Variants in SLC35F3 observed in about 807,000 individuals in gnomAD.
SLC35F3 encodes solute carrier family 35 member F3, also known as putative thiamine transporter SLC35F3.
A neutral mutation model predicts 49.9 loss-of-function variants in SLC35F3; 25 were observed. That is an observed-to-expected ratio of 0.50 (90% confidence interval 0.37 to 0.70). The LOEUF (loss-of-function observed/expected upper bound fraction) is 0.70, where lower values mean the gene tolerates loss of function less well. Ranked by LOEUF, SLC35F3 falls within the 30% of genes least tolerant of loss-of-function variation. The probability of loss-of-function intolerance (pLI) is 0.00; values close to 1 mark genes in which losing one functional copy is unlikely to be tolerated. For missense variants in SLC35F3, 525 were observed against 639.8 expected, an observed-to-expected ratio of 0.82 and a Z score of 1.94; for synonymous variants, 275 against 265.4, an observed-to-expected ratio of 1.04 and a Z score of -0.35.
chr1:234,084,398 A>G (rs1481062082), intron 2 of SLC35F3, among the ~76,000 whole-genome samples: 1 of 152,208 alleles, frequency 6.6e-6, no homozygotes, highest in Non-Finnish European at 1.5e-5. Flanking sequence ...AAAATCCTCA[A>G]CTGAATCAAC....
intron 2 of SLC35F3, among the ~76,000 whole-genome samples, chr1:234,146,924 G>T (rs6659988): frequency 1.3e-5 from 2 of 152,226 alleles, no homozygotes; most frequent in African/African-American, 4.8e-5. Context: ...CTGAGATCTT[G>T]TGGATGAGAG....
At chr1:233,997,665 C>A (rs968551388) in intron 2 of SLC35F3, among the ~76,000 whole-genome samples, 16 of 152,240 alleles carry the variant, frequency 1.1e-4, no homozygotes, top group African/African-American at 3.6e-4. Flanking sequence ...TGATTCTTTT[C>A]TTTTCTATGC....
At chr1:234,262,451 A>G (rs1454673119) in intron 3 of SLC35F3, among the ~76,000 whole-genome samples, 1 of 152,208 alleles carries the variant, frequency 6.6e-6, no homozygotes, top group Admixed American at 6.5e-5. Flanking sequence ...TGTGGTTGGC[A>G]CTCAGGAATG....
At chr1:234,202,283 A>G (rs556011833) in intron 2 of SLC35F3, among the ~76,000 whole-genome samples, 1 of 152,274 alleles carries the variant, frequency 6.6e-6, no homozygotes, top group Admixed American at 6.5e-5. Context: ...ATAAAATAAA[A>G]TAAAACCTTT....
chr1:233,923,080 G>C (rs568343114), intron 2 of SLC35F3, among the ~76,000 whole-genome samples: 2 of 152,118 alleles, frequency 1.3e-5, no homozygotes, highest in African/African-American at 2.4e-5. Context: ...GTCAGGTAGC[G>C]TGATGCCTCC....
At position 234,309,111 on chromosome 1, in the gene SLC35F3, C is replaced by G. The variant is rs774661644; in HGVS notation, c.619C>G (p.Arg207Gly). 20 of 1,613,714 alleles carry G rather than the reference C, an allele frequency of 1.2e-5. No homozygotes were observed. The highest frequency in any genetic ancestry group is 1.6e-5 in the Non-Finnish European group (19 of 1,179,884). The change falls in exon 4 of 8, where the codon CGA becomes GGA. Residue 207 changes from arginine to glycine, a missense_variant. Transcript: ENST00000366618. ...CTTTCCTTGTTTTAGGGAATGCTGT[C>G]GATTTTTTGGAGACAATGGCTTGAC... ...SVKQRYRECCRFFGDNGLTLK... is the reference protein window; with the variant it reads ...SVKQRYRECCGFFGDNGLTLK...
At chr1:234,310,166 G>A (rs2102994377) in intron 4 of SLC35F3, among the ~76,000 whole-genome samples, 1 of 152,286 alleles carries the variant, frequency 6.6e-6, no homozygotes, top group Middle Eastern at 3.4e-3. Flanking sequence ...TCATCACCTT[G>A]CTACAAACCA....
intron 2 of SLC35F3, among the ~76,000 whole-genome samples, chr1:234,037,566 A>T (rs745515718): frequency 6.6e-6 from 1 of 152,248 alleles, no homozygotes; most frequent in East Asian, 1.9e-4. Context: ...TTGCATTTAT[A>T]TAGATTACAT....
chr1:234,214,649 C>G lies in SLC35F3; in HGVS notation c.284-16768C>G, dbSNP rs551226626. ...ATGCTGCCACCCTGAGGGGGGCTGT[C>G]TGGCTGCGGGGCGCCGGGGCTGGGG... On this transcript the variant is annotated intron_variant, in intron 2 of 7. Transcript: ENST00000366618. The surrounding 1 kb of genome is among the most constrained non-coding windows in gnomAD (Gnocchi z 8.0). The G allele has an allele frequency of 6.7e-5, 98 of 1,469,012 alleles. 1 individual carries two copies. In the Admixed American group the frequency reaches 2.2e-3, roughly 33 times the overall value. The allele number at this position is 1,469,012 out of a possible 1,614,324, so 91.0% of individuals were successfully genotyped here. A position where few individuals can be genotyped will look rare whatever the true frequency, so the allele number is the denominator to read the frequency against.
chr1:234,098,878 C>T (rs553533010), intron 2 of SLC35F3, among the ~76,000 whole-genome samples: 46 of 104,000 alleles, frequency 4.4e-4, no homozygotes, highest in African/African-American at 1.5e-3. Context: ...GTGGTAGTGA[C>T]GGTGTTATAG....
chr1:234,146,053 CT>C (rs1393824571), intron 2 of SLC35F3, among the ~76,000 whole-genome samples: 1 of 152,034 alleles, frequency 6.6e-6, no homozygotes, highest in Admixed American at 6.6e-5. Context: ...GTAGGTGGAT[CT>C]TTTTTTCTTC....
intron 2 of SLC35F3, among the ~76,000 whole-genome samples, chr1:234,178,192 G>A (rs1572082937): frequency 6.6e-6 from 1 of 151,958 alleles, no homozygotes; most frequent in East Asian, 1.9e-4. Context: ...AATTCCAGTG[G>A]GCCCATCACC....
chr1:233,946,332 T>C (rs959003819), intron 2 of SLC35F3, among the ~76,000 whole-genome samples: 1 of 152,202 alleles, frequency 6.6e-6, no homozygotes, highest in Non-Finnish European at 1.5e-5. Context: ...TATCCAGAAC[T>C]CAGACAAAGC....
intron 3 of SLC35F3, among the ~76,000 whole-genome samples, chr1:234,244,465 G>A (rs535552273): frequency 3.3e-5 from 5 of 152,160 alleles, no homozygotes; most frequent in Middle Eastern, 3.4e-3. Flanking sequence ...ATCAGCTCTC[G>A]GCAGGCAGTC....
intron 2 of SLC35F3, among the ~76,000 whole-genome samples, chr1:233,951,155 A>G (rs1046596204): frequency 1.3e-5 from 2 of 151,400 alleles, no homozygotes; most frequent in African/African-American, 4.9e-5. Flanking sequence ...TTGAAAGAAC[A>G]TAGAGTCATG....
chr1:234,220,523 C>T (rs1160389282), intron 2 of SLC35F3, among the ~76,000 whole-genome samples: 1 of 152,202 alleles, frequency 6.6e-6, no homozygotes, highest in Non-Finnish European at 1.5e-5. Flanking sequence ...TTAGTCCTCA[C>T]AACATGCCTC....
At chr1:234,304,831 T>C (rs1309964975) in intron 3 of SLC35F3, among the ~76,000 whole-genome samples, 1 of 151,904 alleles carries the variant, frequency 6.6e-6, no homozygotes, top group East Asian at 1.9e-4. Flanking sequence ...AATAGAAGAG[T>C]TGGAATATAA....
At chr1:234,056,940 T>C (rs12118875) in intron 2 of SLC35F3, among the ~76,000 whole-genome samples, 55,531 of 152,106 alleles carry the variant, frequency 0.37, 11,150 homozygotes, top group Middle Eastern at 0.47. Flanking sequence ...TTGTATGGTA[T>C]TGGCAACTTG....
intron 2 of SLC35F3, among the ~76,000 whole-genome samples, chr1:233,936,692 CCTT>C (rs1013683155): frequency 2.6e-4 from 39 of 151,826 alleles, no homozygotes; most frequent in Admixed American, 5.9e-4. Flanking sequence ...ATCTCCTTCT[CCTT>C]CTTCTTTTTT....
Sources: allele counts gnomAD v4.1 joint callset (sites outside exome capture counted in the v4.1 genomes callset), GRCh38; gene constraint gnomAD v4.1.1; non-coding constraint Gnocchi (gnomAD v3.1); transcripts MANE v1.5; gene names NCBI Gene and HGNC (gene_info 2026-07-23, HGNC 2026-07-21).